MTMR3: variants seen among roughly 807,000 people sequenced by gnomAD.
The protein encoded by MTMR3 is myotubularin related protein 3.
A neutral mutation model predicts 132.4 loss-of-function variants in MTMR3; 32 were observed. The observed-to-expected ratio is 0.24, with a 90% CI of 0.18 to 0.32. MTMR3 has a LOEUF of 0.32. Among genes scored for constraint, MTMR3 ranks in the 10% least tolerant of loss-of-function variants. MTMR3 has a pLI of 1.00. For synonymous variants in MTMR3, 556 were observed against 550.3 expected (o/e 1.01, Z -0.14); for missense variants, 1,216 against 1,489.6 (o/e 0.82, Z 3.02).
At chr22:29,896,966 TGG>T (rs989985371) in intron 1 of MTMR3, among the ~76,000 whole-genome samples, 7 of 151,548 alleles carry the variant, frequency 4.6e-5, no homozygotes, top group African/African-American at 1.7e-4. Flanking sequence ...TCCACAACCT[TGG>T]CTTATTTTTT....
At chr22:29,946,143 G>A (rs2065950172) in intron 1 of MTMR3, among the ~76,000 whole-genome samples, 1 of 152,094 alleles carries the variant, frequency 6.6e-6, no homozygotes, top group Non-Finnish European at 1.5e-5. Flanking sequence ...TGAGAATTAG[G>A]CATTTCAAAG....
At position 30,018,030 on chromosome 22, in the gene MTMR3, A is replaced by G. The variant is rs1601430738; in HGVS notation, c.1778A>G (p.Tyr593Cys). 1 of 1,612,500 alleles carries G rather than the reference A, an allele frequency of 6.2e-7. No homozygotes were observed. Among genetic ancestry groups the G allele is most frequent in the Admixed American group, 1.7e-5 (1 of 59,594 alleles). Residue 593 changes from tyrosine to cysteine, a missense_variant, in exon 16 of 20, where the codon TAC becomes TGC. Physicochemically the swap from Tyr to Cys is radical, Grantham distance 194. Transcript: ENST00000401950. ...TTPVDDSCAPYPAPGTSPDDP... is the reference protein window; with the variant it reads ...TTPVDDSCAPCPAPGTSPDDP... ...CCTGTGGACGACAGCTGTGCACCAT[A>G]CCCAGCCCCAGGCACCAGCCCTGAT...
At chr22:29,963,892 C>A (rs962963053) in intron 2 of MTMR3, among the ~76,000 whole-genome samples, 9 of 151,240 alleles carry the variant, frequency 6.0e-5, no homozygotes, top group African/African-American at 2.2e-4. Context: ...TCAAAATAGC[C>A]CATCCCACCT....
chr22:29,966,738 T>C (rs773313909), intron 2 of MTMR3, among the ~76,000 whole-genome samples: 6,392 of 100,998 alleles, frequency 0.063, 141 homozygotes, highest in African/African-American at 0.08. Flanking sequence ...TGTGTGTGTG[T>C]GTGTGTGTGT....
chr22:29,884,611 G>A (rs910172620), intron 1 of MTMR3, among the ~76,000 whole-genome samples: 1 of 142,390 alleles, frequency 7.0e-6, no homozygotes, highest in African/African-American at 2.7e-5. Context: ...CGCCCAGGCC[G>A]GAGTGCAGTA....
intron 1 of MTMR3, among the ~76,000 whole-genome samples, chr22:29,940,749 C>T (rs1373560837): frequency 6.7e-6 from 1 of 149,950 alleles, no homozygotes; most frequent in Non-Finnish European, 1.5e-5. Flanking sequence ...AAAGCACATG[C>T]CCTTGATCAC....
intron 1 of MTMR3, among the ~76,000 whole-genome samples, chr22:29,933,336 A>G (rs1472419796): frequency 1.3e-5 from 2 of 151,432 alleles, no homozygotes; most frequent in Admixed American, 6.6e-5. Context: ...ATGTTATTTT[A>G]TATAACCACA....
At chr22:29,986,325 G>T (rs1844969995) in intron 5 of MTMR3, 2 of 152,774 alleles carry the variant, frequency 1.3e-5, no homozygotes, top group African/African-American at 2.4e-5. Context: ...ATTTTGGGGG[G>T]ATATAGTGAG....
chr22:29,951,107 C>T (rs542845694), intron 1 of MTMR3, among the ~76,000 whole-genome samples: 8 of 151,938 alleles, frequency 5.3e-5, no homozygotes, highest in South Asian at 2.1e-4. Context: ...GCCAAGATCG[C>T]GCCATTGCAC....
chr22:29,913,619 A>G (rs1195041407), intron 1 of MTMR3, among the ~76,000 whole-genome samples: 1 of 152,076 alleles, frequency 6.6e-6, no homozygotes, highest in Non-Finnish European at 1.5e-5. Context: ...TGCTTTGAGA[A>G]TCATTCATAT....
At chr22:30,023,666 C>T in intron 19 of MTMR3, 2 of 672,948 alleles carry the variant, frequency 3.0e-6, no homozygotes, top group Non-Finnish European at 5.2e-6. Flanking sequence ...GAGGGTGGGT[C>T]AGGCTGCAGC....
intron 1 of MTMR3, among the ~76,000 whole-genome samples, chr22:29,898,502 A>G (rs1300103349): frequency 3.3e-5 from 5 of 152,158 alleles, no homozygotes; most frequent in African/African-American, 1.2e-4. Context: ...GCTCGGGCTC[A>G]GTCCATCCTC....
Position 29,999,088 on chromosome 22 carries a change from C to A in MTMR3, c.557+231C>A, listed in dbSNP as rs1339407680. ...GATCCTAGAACCTTCCCTTTTACCC[C>A]CTCTAGGCCTCTGTTTTTTCTGGTA... On this transcript the variant is annotated intron_variant, in intron 8 of 19. Transcript: ENST00000401950. 1.4e-5 allele frequency: 4 copies of A among 281,364 alleles called. No individual in the cohort carries two copies. The East Asian group carries it at 2.0e-4, about 14-fold the overall frequency. 17.4% of individuals were successfully genotyped at this position (281,364 alleles called of 1,614,324 possible).
At chr22:29,981,841 A>C (rs1480944845) in intron 5 of MTMR3, 2 of 151,198 alleles carry the variant, frequency 1.3e-5, no homozygotes, top group Non-Finnish European at 2.9e-5. Flanking sequence ...GAAAAAAAAA[A>C]AAACACCCAA....
At chr22:29,922,905 T>C (rs1366431390) in intron 1 of MTMR3, among the ~76,000 whole-genome samples, 1 of 151,742 alleles carries the variant, frequency 6.6e-6, no homozygotes. Context: ...TTTTTTTTTT[T>C]TGAGACTGGG....
intron 1 of MTMR3, among the ~76,000 whole-genome samples, chr22:29,931,968 C>T (rs954897200): frequency 6.6e-6 from 1 of 152,098 alleles, no homozygotes; most frequent in Non-Finnish European, 1.5e-5. Context: ...TCACTGTACA[C>T]CTTCTCAAAA....
intron 2 of MTMR3, among the ~76,000 whole-genome samples, chr22:29,957,933 G>T (rs1257544429): frequency 6.6e-6 from 1 of 152,002 alleles, no homozygotes; most frequent in Admixed American, 6.6e-5. Context: ...TTGTTAATCT[G>T]TCACTGTTTC....
At position 29,978,931 on chromosome 22, in the gene MTMR3, C is replaced by T. The variant is rs737907; in HGVS notation, c.94-5C>T. ...GAACTCTGAAGGGTTTCTTTCATTT[C>T]GAAGGTTCCTTTCCTTGAACTTCAT... On this transcript the variant is annotated splice_region_variant and splice_polypyrimidine_tract_variant and intron_variant, in intron 4 of 19. Transcript: ENST00000401950. 0.096 allele frequency: 153,387 copies of T among 1,598,698 alleles called. 7,920 individuals are homozygous for T. Among genetic ancestry groups the T allele is most frequent in the Admixed American group, 0.13 (7,676 of 59,460 alleles).
At chr22:30,008,925 T>C in intron 11 of MTMR3, 93 bp from the exon 12 acceptor site, 1 of 790,356 alleles carries the variant, frequency 1.3e-6, no homozygotes. Context: ...GAAGCTGCAG[T>C]GGGTTTGTTT....
Sources: allele counts gnomAD v4.1 joint callset (sites outside exome capture counted in the v4.1 genomes callset), GRCh38; gene constraint gnomAD v4.1.1; transcripts MANE v1.5; gene names NCBI Gene and HGNC (gene_info 2026-07-23, HGNC 2026-07-21).